The following TMPRSS15 variants were observed in gnomAD, a reference collection of about 807,000 sequenced individuals.
TMPRSS15 encodes the protein transmembrane serine protease 15, also known as enteropeptidase.
A neutral mutation model predicts 125.3 loss-of-function variants in TMPRSS15; 128 were observed. The ratio of observed to expected loss-of-function variants is 1.02; its 90% CI spans 0.89 to 1.18. The LOEUF (loss-of-function observed/expected upper bound fraction) is 1.18, where lower values mean the gene tolerates loss of function less well. Ranked by LOEUF, TMPRSS15 falls within the 50% of genes most tolerant of loss-of-function variation. The pLI, the probability that TMPRSS15 is intolerant of heterozygous loss-of-function variation, is 0.00. For missense variants in TMPRSS15, 1,283 were observed against 1,212.7 expected (o/e 1.06, Z -0.86); for synonymous variants, 446 against 423.2 (o/e 1.05, Z -0.66).
At chr21:18,309,929 G>T (rs192618515) in intron 18 of TMPRSS15, among the ~76,000 whole-genome samples, 2 of 152,184 alleles carry the variant, frequency 1.3e-5, no homozygotes, top group East Asian at 3.9e-4. Context: ...TCCTGATGAG[G>T]CTGACATCAC....
intron 21 of TMPRSS15, among the ~76,000 whole-genome samples, chr21:18,286,212 T>C (rs1336913644): frequency 6.6e-6 from 1 of 152,216 alleles, no homozygotes; most frequent in Non-Finnish European, 1.5e-5. Flanking sequence ...AGGTCTTTTT[T>C]GTTCATCTTA....
At chr21:18,271,031 T>C (rs1311422314) in intron 24 of TMPRSS15, among the ~76,000 whole-genome samples, 2 of 152,206 alleles carry the variant, frequency 1.3e-5, no homozygotes, top group African/African-American at 4.8e-5. Flanking sequence ...TGATCCTTTT[T>C]ATCATCTTTG....
chr21:18,468,354 C>A (rs557594002), intron 1 of TMPRSS15, among the ~76,000 whole-genome samples: 5 of 152,070 alleles, frequency 3.3e-5, no homozygotes, highest in Non-Finnish European at 7.4e-5. Context: ...GGTGACACAG[C>A]CAATTCAGGT....
At chr21:18,380,046 T>A (rs2075876946) in intron 4 of TMPRSS15, among the ~76,000 whole-genome samples, 1 of 151,914 alleles carries the variant, frequency 6.6e-6, no homozygotes, top group Non-Finnish European at 1.5e-5. Flanking sequence ...AAGTCTGAAT[T>A]CTCCTTTCCA....
intron 21 of TMPRSS15, among the ~76,000 whole-genome samples, chr21:18,291,039 C>T (rs2146891756): frequency 6.6e-6 from 1 of 152,330 alleles, no homozygotes; most frequent in East Asian, 1.9e-4. Flanking sequence ...CGTCTTCTTT[C>T]ATAGAGCTTT....
chr21:18,300,090 T>A (rs2074948916), intron 18 of TMPRSS15, among the ~76,000 whole-genome samples: 1 of 141,110 alleles, frequency 7.1e-6, no homozygotes, highest in African/African-American at 2.7e-5. Flanking sequence ...GAGAGGTGGA[T>A]TTTAGACTCT....
chr21:18,376,197 C>T (rs1225296116), intron 5 of TMPRSS15, among the ~76,000 whole-genome samples: 1 of 43,764 alleles, frequency 2.3e-5, no homozygotes, highest in African/African-American at 8.7e-5. Flanking sequence ...TAGAACAAAT[C>T]TAGTTTTTTT....
chr21:18,432,950 AT>A (rs1244560974), intron 1 of TMPRSS15, among the ~76,000 whole-genome samples: 1 of 152,072 alleles, frequency 6.6e-6, no homozygotes, highest in Non-Finnish European at 1.5e-5. Flanking sequence ...AGAGTTAACT[AT>A]TTTTGTCAAG....
At chr21:18,358,834 A>C (rs539825566) in intron 8 of TMPRSS15, among the ~76,000 whole-genome samples, 1 of 152,126 alleles carries the variant, frequency 6.6e-6, no homozygotes, top group East Asian at 1.9e-4. Flanking sequence ...TATTATTAGC[A>C]TATGCTTAAA....
intron 8 of TMPRSS15, among the ~76,000 whole-genome samples, chr21:18,358,486 A>G (rs1424153843): frequency 6.6e-6 from 1 of 151,948 alleles, no homozygotes; most frequent in African/African-American, 2.4e-5. Flanking sequence ...AAAAAACTGC[A>G]TCTATCAGCT....
intron 1 of TMPRSS15, among the ~76,000 whole-genome samples, chr21:18,410,191 T>C (rs1601453139): frequency 6.6e-6 from 1 of 151,556 alleles, no homozygotes; most frequent in East Asian, 2.0e-4. Context: ...TGAGGCTGTA[T>C]ACAGCCTTCT....
In TMPRSS15 at chr21:18,386,729, TC is replaced by T. The variant is rs537009593; in HGVS notation, c.345-2952del. ...TATTAATTATTTTCTCTCTCTCCAA[TC>T]CCCCATCTTCATTTTATCTTTGGTT... On this transcript the variant is annotated intron_variant, in intron 3 of 24. Transcript: ENST00000284885. Among the ~76,000 whole-genome samples, 1,071 of 152,256 alleles carry T rather than the reference TC, an allele frequency of 7.0e-3. 13 individuals carry two copies. Among genetic ancestry groups the T allele is most frequent in the African/African-American group, 0.025 (1,022 of 41,554 alleles).
Position 18,279,138 on chromosome 21 carries a change from T to A in TMPRSS15, c.2669-79A>T, listed in dbSNP as rs182632407. The A allele has an allele frequency of 9.7e-3, 7,626 of 782,980 alleles. 75 individuals carry two copies. Among genetic ancestry groups the A allele is most frequent in the Non-Finnish European group, 0.011 (4,985 of 461,686 alleles). 48.5% of individuals were successfully genotyped at this position (782,980 alleles called of 1,614,324 possible). On this transcript the variant is annotated intron_variant, in intron 22 of 24. Coordinates refer to ENST00000284885, the MANE Select transcript of TMPRSS15 (RefSeq NM_002772.3). ...ATTTACAAGCATTTCTAACAAGTTT[T>A]AAAAATCAATAACAGTTAATCTAAA...
chr21:18,464,870 A>C (rs115884081), intron 1 of TMPRSS15, among the ~76,000 whole-genome samples: 1,893 of 152,318 alleles, frequency 0.012, 41 homozygotes, highest in African/African-American at 0.043. Context: ...AAACTCTTAC[A>C]AACAATAGAA....
At chr21:18,400,529 T>A (rs557525084) in intron 1 of TMPRSS15, among the ~76,000 whole-genome samples, 1 of 152,190 alleles carries the variant, frequency 6.6e-6, no homozygotes, top group Non-Finnish European at 1.5e-5. Flanking sequence ...GCTAGCCATA[T>A]GCAGAAGAAT....
upstream of TMPRSS15, among the ~76,000 whole-genome samples, chr21:18,405,744 A>G (rs1601451049): frequency 1.3e-5 from 2 of 152,192 alleles, no homozygotes; most frequent in African/African-American, 4.8e-5. Flanking sequence ...AGAGACATAA[A>G]TTCCAGGTGG....
Position 18,329,314 on chromosome 21 carries a change from A to G in TMPRSS15, c.1655-20T>C, listed in dbSNP as rs778395617. Reference sequence around the variant, plus strand: ...AAACACCTAAAAAGTAAGAAGTAACATTTAATTTGGAACACACTTGGTGAT... The same window carrying G: ...AAACACCTAAAAAGTAAGAAGTAACGTTTAATTTGGAACACACTTGGTGAT... On this transcript the variant is annotated intron_variant, in intron 14 of 24. Transcript: ENST00000284885. 1 of 1,603,888 alleles carries G rather than the reference A, an allele frequency of 6.2e-7. No individual in the cohort carries two copies. The highest frequency in any genetic ancestry group is 8.5e-7 in the Non-Finnish European group (1 of 1,173,884).
At chr21:18,380,585 C>A in intron 4 of TMPRSS15, 1 of 470,648 alleles carries the variant, frequency 2.1e-6, no homozygotes, top group Non-Finnish European at 4.4e-6. Context: ...TCCAAAGATG[C>A]TGGAATAACG....
At chr21:18,454,102 T>C (rs2123261573) in intron 1 of TMPRSS15, among the ~76,000 whole-genome samples, 1 of 152,306 alleles carries the variant, frequency 6.6e-6, no homozygotes, top group Non-Finnish European at 1.5e-5. Flanking sequence ...ACTTTAATTT[T>C]ACAACAATGG....
Sources: gnomAD v4.1 joint callset for allele counts (sites outside exome capture counted in the v4.1 genomes callset) on GRCh38, gnomAD v4.1.1 for gene constraint, MANE v1.5 for transcripts, NCBI Gene and HGNC (gene_info 2026-07-23, HGNC 2026-07-21) for gene names.